The following TNK2 variants were observed in gnomAD, a reference collection of about 807,000 sequenced individuals.
TNK2 encodes activated CDC42 kinase 1.
TNK2 carries 83 observed loss-of-function variants against 101.8 expected under a neutral mutation model. The ratio of observed to expected loss-of-function variants is 0.82; its 90% CI spans 0.68 to 0.98. TNK2 has a LOEUF of 0.98. Among genes scored for constraint, TNK2 ranks in the 50% least tolerant of loss-of-function variants. The pLI is 0.00. For synonymous variants in TNK2, 804 were observed against 633.0 expected (o/e 1.27, Z -4.06); for missense variants, 1,665 against 1,483.2 (o/e 1.12, Z -2.01).
At position 195,878,331 on chromosome 3, in the gene TNK2, A is replaced by G; in HGVS notation, c.1178T>C (p.Met393Thr). ...TTCCTCAAAGTCCTGAAGGGCCCGC[A>G]TGTCTGTGGGCTGGGCCTGGAGGAA... ...DFLLEAQPTD[M>T]RALQDFEEPD... is the part of the protein sequence containing the mutation. Residue 393 changes from methionine to threonine, a missense_variant, in exon 9 of 16, where the codon ATG (methionine) becomes ACG (threonine). This residue lies in a region of TNK2 where 39 missense variants were observed against 65.8 expected (regional missense o/e 0.59). Coordinates refer to ENST00000672887, the MANE Select transcript of TNK2 (RefSeq NM_001382273.1). The surrounding 1 kb of genome is among the most constrained non-coding windows in gnomAD (Gnocchi z 4.7). The G allele has an allele frequency of 6.2e-7, 1 of 1,614,046 alleles. No individual in the cohort carries two copies.
chr3:195,895,479 G>C, intron 1 of TNK2: 1 of 1,367,156 alleles, frequency 7.3e-7, no homozygotes, highest in Non-Finnish European at 9.4e-7. Flanking sequence ...CCATCGGCCG[G>C]CGGCCGGGTG....
rs1177993291 is a variant in TNK2, at chr3:195,882,418, G to A, written c.610-90C>T. On this transcript the variant is annotated intron_variant, in intron 5 of 15. Transcript: ENST00000672887. The surrounding 1 kb of genome is among the most constrained non-coding windows in gnomAD (Gnocchi z 4.2). The stretch of plus-strand genomic sequence containing the variant: ...CTGGGCCCCCAGTCCCCTTCCTGAA[G>A]GCTTTCCAGAGCCAGGCTGCACGCA... 3 of 1,575,652 alleles carry A rather than the reference G, an allele frequency of 1.9e-6. No homozygotes were observed. Among genetic ancestry groups the A allele is most frequent in the Admixed American group, 3.7e-5 (2 of 54,684 alleles).
At chr3:195,871,183 G>A (rs1282176082) in intron 10 of TNK2, among the ~76,000 whole-genome samples, 3 of 151,646 alleles carry the variant, frequency 2.0e-5, no homozygotes, top group Admixed American at 6.6e-5. Context: ...TGGAGGCCTG[G>A]CGCAAGAAGC....
At chr3:195,895,271 A>AGCCCC in intron 1 of TNK2, 1 of 1,558,250 alleles carries the variant, frequency 6.4e-7, no homozygotes, top group Admixed American at 1.9e-5. Context: ...GCCCCCAGCC[A>AGCCCC]GGCGCTGGTA....
At chr3:195,873,981 G>A (rs552014623) in intron 9 of TNK2, among the ~76,000 whole-genome samples, 67 of 152,240 alleles carry the variant, frequency 4.4e-4, no homozygotes, top group Middle Eastern at 3.4e-3. Flanking sequence ...ACCCCGAGAC[G>A]AGACGAGTCC....
chr3:195,892,421 C>T lies in TNK2; in HGVS notation c.-18-3815G>A, dbSNP rs778181656. On this transcript the variant is annotated intron_variant, in intron 1 of 15. Transcript: ENST00000672887. ...CTGCCCCCCACTCACTGTGTACAGG[C>T]GTCGCCGCAGTCTGGCCAGGAGAGG... 4.6e-5 allele frequency: 70 copies of T among 1,535,048 alleles called. No individual in the cohort carries two copies. The African/African-American group carries it at 4.7e-4, about 10-fold the overall frequency.
chr3:195,900,961 G>A (rs780042340), intron 1 of TNK2, among the ~76,000 whole-genome samples: 1 of 152,246 alleles, frequency 6.6e-6, no homozygotes, highest in South Asian at 2.1e-4. Context: ...GAGGTGGAGT[G>A]TGGAAAGAAG....
At chr3:195,877,911 G>A (rs1750327696) in intron 9 of TNK2, among the ~76,000 whole-genome samples, 1 of 148,550 alleles carries the variant, frequency 6.7e-6, no homozygotes, top group African/African-American at 2.6e-5. Flanking sequence ...GAAGAAGCAG[G>A]GAGAGAAGCG....
At chr3:195,880,926 C>A (rs1334095298) in intron 6 of TNK2, among the ~76,000 whole-genome samples, 1 of 22,748 alleles carries the variant, frequency 4.4e-5, no homozygotes, top group Non-Finnish European at 8.8e-5. Context: ...CTGTAACACC[C>A]CCCCAGCAAT....
intron 11 of TNK2, 34 bp from the exon 12 acceptor site, chr3:195,869,575 G>C (rs1015222218): frequency 8.4e-6 from 13 of 1,549,310 alleles, no homozygotes; most frequent in Non-Finnish European, 1.1e-5. Flanking sequence ...GGGGGAGAGA[G>C]ACGGAGCAGG....
intron 1 of TNK2, among the ~76,000 whole-genome samples, chr3:195,903,333 C>A (rs1238204447): frequency 2.6e-5 from 4 of 152,194 alleles, no homozygotes; most frequent in African/African-American, 9.7e-5. Flanking sequence ...AGCCACCGCG[C>A]CCGGCCAGCT....
rs774523252 is a variant in TNK2 at position 195,867,905 on chromosome 3, G to T, written c.2393C>A (p.Pro798His). The T allele has an allele frequency of 6.5e-7, 1 of 1,531,016 alleles. No individual in the cohort carries two copies. The highest frequency in any genetic ancestry group is 1.3e-5 in the South Asian group (1 of 78,594). The allele number at this position is 1,531,016 out of a possible 1,614,324, so 94.8% of individuals were successfully genotyped here. A position where few individuals can be genotyped will look rare whatever the true frequency, so the allele number is the denominator to read the frequency against. Residue 798 changes from proline to histidine, a missense_variant, in exon 13 of 16, where the codon CCC becomes CAC. Pro to His is a moderately conservative substitution (Grantham distance 77). Coordinates refer to ENST00000672887, the MANE Select transcript of TNK2 (RefSeq NM_001382273.1). Reference protein sequence around the residue: ...ASPPRVPPREPLSPQGSRTPS... With the variant: ...ASPPRVPPREHLSPQGSRTPS... ...TGTCCTCGAGCCTTGAGGGGACAGG[G>T]GCTCCCGCGGAGGCACCCGGGGAGG...
chr3:195,882,504 C>G lies in TNK2; in HGVS notation c.610-176G>C. 6.5e-7 allele frequency: 1 copy of G among 1,537,818 alleles called. No homozygotes were observed. Among genetic ancestry groups the G allele is most frequent in the East Asian group, 2.4e-5 (1 of 40,868 alleles). On this transcript the variant is annotated intron_variant, in intron 5 of 15. Coordinates refer to ENST00000672887, the MANE Select transcript of TNK2 (RefSeq NM_001382273.1). The surrounding 1 kb of genome is among the most constrained non-coding windows in gnomAD (Gnocchi z 4.2). ...CCTGCAGTTTCTCAGGCCTCTCCCT[C>G]GAGGCAATTTGGGAAACTGATGCCT...
rs1754185554 is a variant in TNK2, at chr3:195,883,503, C to G, written c.457-194G>C. ...GGCTGGAGAAGGGCAGACGGCTGGC[C>G]CTCAGGAGCCATCGTCGGCCACACC... is the stretch of plus-strand genomic sequence containing the variant. On this transcript the variant is annotated intron_variant, in intron 4 of 15. Transcript: ENST00000672887. 4 of 605,736 alleles carry G rather than the reference C, an allele frequency of 6.6e-6. No homozygotes were observed. In the Admixed American group the frequency reaches 1.2e-4, roughly 18 times the overall value. 37.5% of individuals were successfully genotyped at this position (605,736 alleles called of 1,614,324 possible). A position where few individuals can be genotyped will look rare whatever the true frequency, so the allele number is the denominator to read the frequency against.
chr3:195,891,989 G>A (rs937810072), intron 1 of TNK2: 11 of 1,005,076 alleles, frequency 1.1e-5, no homozygotes, highest in East Asian at 1.0e-4. Flanking sequence ...GTGGGAGGAC[G>A]GGAAGGAACT....
chr3:195,883,473 G>T, intron 4 of TNK2, 164 bp from the exon 5 acceptor site: 4 of 782,378 alleles, frequency 5.1e-6, no homozygotes, highest in Non-Finnish European at 8.0e-6. Flanking sequence ...CTCTGCGTGA[G>T]GCCTGGCTGG....
intron 1 of TNK2, chr3:195,892,895 C>A: frequency 3.0e-6 from 1 of 330,070 alleles, no homozygotes; most frequent in Non-Finnish European, 4.4e-6. Context: ...TGAATCACTG[C>A]CAAGAGGGCG....
chr3:195,877,688 T>A (rs1750181720), intron 9 of TNK2, among the ~76,000 whole-genome samples: 1 of 151,576 alleles, frequency 6.6e-6, no homozygotes, highest in African/African-American at 2.4e-5. Context: ...GGGGCTCAGG[T>A]GGAAGACAGG....
Position 195,885,176 on chromosome 3 carries a change from C to G in TNK2, c.235-143G>C. ...TTTGCCAAACTGTCAGTGGGGCAGC[C>G]TGGCTGGAGGCCCACACTCCGTCCA... On this transcript the variant is annotated intron_variant, in intron 3 of 15. Transcript: ENST00000672887. The surrounding 1 kb of genome is among the most constrained non-coding windows in gnomAD (Gnocchi z 4.7). 1 of 1,034,544 alleles carries G rather than the reference C, an allele frequency of 9.7e-7. No homozygotes were observed. The highest frequency in any genetic ancestry group is 1.4e-6 in the Non-Finnish European group (1 of 723,622). 64.1% of individuals were successfully genotyped at this position (1,034,544 alleles called of 1,614,324 possible). A position where few individuals can be genotyped will look rare whatever the true frequency, so the allele number is the denominator to read the frequency against.
Sources: allele counts gnomAD v4.1 joint callset (sites outside exome capture counted in the v4.1 genomes callset), GRCh38; gene constraint gnomAD v4.1.1; regional missense constraint gnomAD v4.1.1; non-coding constraint Gnocchi (gnomAD v3.1); transcripts MANE v1.5; gene names NCBI Gene and HGNC (gene_info 2026-07-23, HGNC 2026-07-21).